RASGRF2: variants seen among roughly 807,000 people sequenced by gnomAD.
The protein encoded by RASGRF2 is Ras protein specific guanine nucleotide releasing factor 2.
In RASGRF2, 76 loss-of-function variants were observed where a neutral mutation model predicts 151.0. The observed-to-expected ratio is 0.50, with a 90% confidence interval of 0.42 to 0.61. The LOEUF (loss-of-function observed/expected upper bound fraction) is 0.61. RASGRF2 is among the 20% of genes least tolerant of loss of function. The probability of loss-of-function intolerance (pLI) is 0.00; values close to 1 mark genes in which losing one functional copy is unlikely to be tolerated. For synonymous variants in RASGRF2, 504 were observed against 566.5 expected (o/e 0.89, Z 1.57); for missense variants, 1,148 against 1,564.6 (o/e 0.73, Z 4.49).
At chr5:81,023,232 G>A (rs777757844) in intron 1 of RASGRF2, among the ~76,000 whole-genome samples, 8 of 152,068 alleles carry the variant, frequency 5.3e-5, no homozygotes, top group Non-Finnish European at 1.2e-4. Context: ...AATATCCAAG[G>A]AGAAAAAAGA....
chr5:81,052,100 A>G (rs1330759831), intron 2 of RASGRF2, among the ~76,000 whole-genome samples: 1 of 152,192 alleles, frequency 6.6e-6, no homozygotes, highest in Non-Finnish European at 1.5e-5. Context: ...ATTTTCTGTG[A>G]TGATAAAGAT....
intron 4 of RASGRF2, among the ~76,000 whole-genome samples, chr5:81,072,552 C>A (rs1036600927): frequency 1.3e-5 from 2 of 152,040 alleles, no homozygotes; most frequent in Non-Finnish European, 2.9e-5. Context: ...AAGTGAGAAA[C>A]CCTAGTTATC....
At chr5:81,071,945 C>T (rs1751789965) in intron 4 of RASGRF2, among the ~76,000 whole-genome samples, 1 of 152,148 alleles carries the variant, frequency 6.6e-6, no homozygotes, top group Admixed American at 6.5e-5. Flanking sequence ...AAAAATATTT[C>T]TGTTAAATGA....
At chr5:81,223,559 T>C (rs960115434) in intron 26 of RASGRF2, 1 of 151,824 alleles carries the variant, frequency 6.6e-6, no homozygotes, top group East Asian at 1.9e-4. Context: ...GAGGATGGCG[T>C]GAACCCGGGA....
At chr5:81,180,350 A>T in intron 18 of RASGRF2, 69 bp downstream of exon 18, 1 of 940,706 alleles carries the variant, frequency 1.1e-6, no homozygotes, top group Non-Finnish European at 1.7e-6. Flanking sequence ...GTTGTGACAC[A>T]TGTAAAACAC....
In RASGRF2 at chr5:81,201,400, A is replaced by G. The variant is rs531149511; in HGVS notation, c.2864A>G (p.Asp955Gly). The stretch of plus-strand genomic sequence containing the variant: ...CTAGAAGAAGTTTTGCGAGACCCAG[A>G]CCTTCTTCCCCAAGAAAGGAAAGCC... ...NLLEEVLRDP[D>G]LLPQERKAAA... Residue 955 changes from aspartate (D) to glycine (G), a missense_variant, in exon 19 of 27, where the codon GAC (aspartate) becomes GGC (glycine). Physicochemically the swap from Asp to Gly is moderately conservative, Grantham distance 94 (BLOSUM62 -1). Transcript: ENST00000265080. The G allele has an allele frequency of 1.4e-4, 226 of 1,614,020 alleles. 1 individual carries two copies. In the South Asian group the frequency reaches 2.4e-3, roughly 17 times the overall value.
At chr5:81,012,804 GCT>G (rs1464919220) in intron 1 of RASGRF2, among the ~76,000 whole-genome samples, 3 of 152,090 alleles carry the variant, frequency 2.0e-5, no homozygotes, top group Non-Finnish European at 4.4e-5. Flanking sequence ...AAAAGCCCAA[GCT>G]TGGGTTATGG....
intron 1 of RASGRF2, among the ~76,000 whole-genome samples, chr5:80,971,078 C>T (rs1362007689): frequency 6.6e-6 from 1 of 152,068 alleles, no homozygotes; most frequent in Non-Finnish European, 1.5e-5. Context: ...AAAAATAAAC[C>T]TATTTTTCAA....
intron 2 of RASGRF2, among the ~76,000 whole-genome samples, chr5:81,046,560 C>T (rs775843169): frequency 2.0e-5 from 3 of 152,050 alleles, no homozygotes; most frequent in Admixed American, 6.5e-5. Flanking sequence ...ACGCTGCTAC[C>T]GAGACCCAGT....
intron 1 of RASGRF2, among the ~76,000 whole-genome samples, chr5:81,014,197 C>T (rs539816797): frequency 2.0e-5 from 3 of 152,050 alleles, no homozygotes. Context: ...TATGCTAGTG[C>T]TTTTCTAGAC....
chr5:81,198,403 A>G (rs1755315046), intron 18 of RASGRF2, among the ~76,000 whole-genome samples: 1 of 152,044 alleles, frequency 6.6e-6, no homozygotes, highest in African/African-American at 2.4e-5. Context: ...TGCTTAGGAT[A>G]ATGGCCTGTA....
chr5:81,118,893 A>T (rs1432752281), intron 15 of RASGRF2, among the ~76,000 whole-genome samples: 7 of 152,250 alleles, frequency 4.6e-5, no homozygotes, highest in African/African-American at 7.2e-5. Context: ...GCTACTTTGT[A>T]ACAAAGATGG....
intron 9 of RASGRF2, among the ~76,000 whole-genome samples, chr5:81,090,978 A>G (rs1180619704): frequency 6.6e-6 from 1 of 152,130 alleles, no homozygotes; most frequent in African/African-American, 2.4e-5. Context: ...GCCCTAAGTC[A>G]TGGGCCTGAT....
chr5:81,192,813 A>C (rs1017464112), intron 18 of RASGRF2, among the ~76,000 whole-genome samples: 2 of 152,192 alleles, frequency 1.3e-5, no homozygotes, highest in Admixed American at 1.3e-4. Context: ...CCTTTGCCTC[A>C]GCTTCCCAGT....
intron 1 of RASGRF2, among the ~76,000 whole-genome samples, chr5:81,026,653 A>T (rs10071681): frequency 6.6e-6 from 1 of 152,172 alleles, no homozygotes; most frequent in African/African-American, 2.4e-5. Flanking sequence ...AGTCAACTTC[A>T]TTAATGTAGC....
chr5:81,017,573 G>A (rs927758531), intron 1 of RASGRF2, among the ~76,000 whole-genome samples: 26 of 152,336 alleles, frequency 1.7e-4, no homozygotes, highest in Non-Finnish European at 7.3e-5. Context: ...AGATGCGGAG[G>A]TGGCAGCTGG....
Position 81,038,567 on chromosome 5 carries a change from C to CTTTTT in RASGRF2, c.289-4291_289-4287dup, listed in dbSNP as rs56205345. Among the ~76,000 whole-genome samples the CTTTTT allele has an allele frequency of 6.4e-3, 541 of 83,942 alleles. 11 individuals are homozygous for CTTTTT. The highest frequency in any genetic ancestry group is 0.012 in the Middle Eastern group (1 of 82). 55.1% of individuals were successfully genotyped at this position (83,942 alleles called of 152,430 possible). ...AAAAATATTGATTTGTAAATATTTG[C>CTTTTT]TTTTTTTTTTTTTTTTTTTTTTTGT... On this transcript the variant is annotated intron_variant, in intron 1 of 26. Coordinates refer to ENST00000265080, the MANE Select transcript of RASGRF2 (RefSeq NM_006909.3).
intron 2 of RASGRF2, among the ~76,000 whole-genome samples, chr5:81,066,237 G>A (rs1751598637): frequency 6.6e-6 from 1 of 151,872 alleles, no homozygotes; most frequent in Non-Finnish European, 1.5e-5. Flanking sequence ...CCTGTCACTT[G>A]TAATTTCATA....
In RASGRF2 at chr5:81,113,791, A is replaced by C. The variant is rs1016756094; in HGVS notation, c.2341A>C (p.Thr781Pro). ...TCCCGCTGCGTCTCCACCACCACAC[A>C]CTGGTCAGATACCACTGGATCTCAG... ...QSPAASPPPH[T>P]GQIPLDLSRG... is the part of the protein sequence containing the mutation. The change falls in exon 15 of 27, where the codon ACT (threonine) becomes CCT (proline). Residue 781 changes from threonine (T) to proline (P), a missense_variant. Thr to Pro is a conservative substitution (Grantham distance 38). Transcript: ENST00000265080. 6.2e-7 allele frequency: 1 copy of C among 1,613,836 alleles called. No individual in the cohort carries two copies.
Sources: gnomAD v4.1 joint callset for allele counts (sites outside exome capture counted in the v4.1 genomes callset) on GRCh38, gnomAD v4.1.1 for gene constraint, MANE v1.5 for transcripts, NCBI Gene and HGNC (gene_info 2026-07-23, HGNC 2026-07-21) for gene names.